The following CDH4 variants were observed in gnomAD, a reference collection of about 807,000 sequenced individuals.
CDH4 encodes the protein cadherin-4.
CDH4 carries 33 observed loss-of-function variants against 86.0 expected under a neutral mutation model. The ratio of observed to expected loss-of-function variants is 0.38; its 90% confidence interval spans 0.29 to 0.51. The LOEUF (loss-of-function observed/expected upper bound fraction) is 0.51. Among genes scored for constraint, CDH4 ranks in the 20% least tolerant of loss-of-function variants. The pLI is 0.86. For missense variants in CDH4, 1,114 were observed against 1,307.4 expected (o/e 0.85, Z 2.28); for synonymous variants, 555 against 549.4 (o/e 1.01, Z -0.14).
intron 2 of CDH4, among the ~76,000 whole-genome samples, chr20:61,584,324 C>T (rs934941637): frequency 2.0e-5 from 3 of 152,208 alleles, no homozygotes; most frequent in Non-Finnish European, 2.9e-5. Context: ...GCATCGTCGA[C>T]CCCTGCAGAT....
At chr20:61,896,842 T>C (rs1985149455) in intron 8 of CDH4, among the ~76,000 whole-genome samples, 1 of 152,174 alleles carries the variant, frequency 6.6e-6, no homozygotes, top group African/African-American at 2.4e-5. Flanking sequence ...GCAGCAGGGC[T>C]GCACCCACAC....
chr20:61,914,002 A>G (rs1449331587), intron 9 of CDH4, among the ~76,000 whole-genome samples: 1 of 152,110 alleles, frequency 6.6e-6, no homozygotes, highest in Non-Finnish European at 1.5e-5. Flanking sequence ...GGTTTCCCGA[A>G]GCATGTCTAC....
At chr20:61,779,284 C>G (rs571573491) in intron 4 of CDH4, among the ~76,000 whole-genome samples, 23 of 152,290 alleles carry the variant, frequency 1.5e-4, no homozygotes, top group Non-Finnish European at 2.9e-4. Context: ...GGTGCGAATC[C>G]TTTCATTTTG....
At chr20:61,556,843 C>T (rs902532533) in intron 2 of CDH4, among the ~76,000 whole-genome samples, 3 of 152,096 alleles carry the variant, frequency 2.0e-5, no homozygotes, top group Non-Finnish European at 4.4e-5. Flanking sequence ...GTGGTCGGCC[C>T]GTCCTCCGAC....
intron 2 of CDH4, among the ~76,000 whole-genome samples, chr20:61,399,025 G>A (rs1800176298): frequency 6.6e-6 from 1 of 152,010 alleles, no homozygotes; most frequent in Non-Finnish European, 1.5e-5. Context: ...TAAATGCTTT[G>A]TAAAGTGAAC....
At chr20:61,895,464 G>A (rs910271983) in intron 8 of CDH4, among the ~76,000 whole-genome samples, 5 of 152,198 alleles carry the variant, frequency 3.3e-5, no homozygotes, top group East Asian at 1.9e-4. Flanking sequence ...GCCTGCTGTC[G>A]GCAGAAAGGG....
intron 4 of CDH4, among the ~76,000 whole-genome samples, chr20:61,820,292 C>T (rs1980948076): frequency 6.6e-6 from 1 of 152,250 alleles, no homozygotes; most frequent in South Asian, 2.1e-4. Context: ...CTCTCACTGG[C>T]TGCTGCCTGG....
chr20:61,422,805 A>G (rs1412329369), intron 2 of CDH4, among the ~76,000 whole-genome samples: 1 of 152,050 alleles, frequency 6.6e-6, no homozygotes, highest in Non-Finnish European at 1.5e-5. Flanking sequence ...TGGGTGTGTC[A>G]TGTGTCTTGG....
intron 2 of CDH4, among the ~76,000 whole-genome samples, chr20:61,654,834 G>A (rs1175996427): frequency 6.6e-6 from 1 of 152,246 alleles, no homozygotes; most frequent in African/African-American, 2.4e-5. Flanking sequence ...TGGGGGCCAC[G>A]CTGCAGCCCG....
rs753268 is a variant in CDH4 at position 61,429,140 on chromosome 20, C to T, written c.169+174203C>T. On this transcript the variant is annotated intron_variant, in intron 2 of 15. Transcript: ENST00000614565. ...TAATGACAGCTTATATTTAAATGCT[C>T]ACTTTTCTCAGATACTGTTCTAAGT... is the stretch of plus-strand genomic sequence containing the variant. Among the ~76,000 whole-genome samples the T allele has an allele frequency of 5.1e-3, 773 of 151,836 alleles. 3 individuals are homozygous for T. The highest frequency in any genetic ancestry group is 6.9e-3 in the Non-Finnish European group (471 of 67,776).
rs201411800 is a variant in CDH4, at chr20:61,383,088, AAT to A, written c.169+128160_169+128161del. On this transcript the variant is annotated intron_variant, in intron 2 of 15. Coordinates refer to ENST00000614565, the MANE Select transcript of CDH4 (RefSeq NM_001794.5). ...TTCATATATATATAATATATATATG[AAT>A]ATATATATGAATATATTATATATAG... 5.5e-3 allele frequency among the ~76,000 whole-genome samples: 656 copies of A among 119,254 alleles called. 3 individuals are homozygous for A. The highest frequency in any genetic ancestry group is 6.3e-3 in the African/African-American group (180 of 28,734). The allele number at this position is 119,254 out of a possible 152,430, so 78.2% of individuals were successfully genotyped here. A position where few individuals can be genotyped will look rare whatever the true frequency, so the allele number is the denominator to read the frequency against.
chr20:61,496,401 CAAAAAAAAAAA>C (rs71944747), intron 2 of CDH4, among the ~76,000 whole-genome samples: 2 of 145,620 alleles, frequency 1.4e-5, no homozygotes, highest in Non-Finnish European at 3.0e-5. Context: ...TACCCTGTCT[CAAAAAAAAAAA>C]AAATCTAAAA....
intron 2 of CDH4, among the ~76,000 whole-genome samples, chr20:61,506,145 C>T (rs2085739932): frequency 6.6e-6 from 1 of 152,330 alleles, no homozygotes; most frequent in South Asian, 2.1e-4. Context: ...GTGAGACACA[C>T]TATGACAGAA....
chr20:61,567,406 C>T (rs1012276138), intron 2 of CDH4, among the ~76,000 whole-genome samples: 5 of 152,200 alleles, frequency 3.3e-5, no homozygotes, highest in African/African-American at 9.7e-5. Flanking sequence ...CCCGCTTCCT[C>T]ATTCATAGCT....
intron 2 of CDH4, among the ~76,000 whole-genome samples, chr20:61,438,371 A>C (rs1479011576): frequency 6.6e-6 from 1 of 152,226 alleles, no homozygotes; most frequent in Non-Finnish European, 1.5e-5. Context: ...TTTCTAAAGA[A>C]GCTGGGGAAA....
At chr20:61,883,182 C>T (rs371015797) in intron 7 of CDH4, among the ~76,000 whole-genome samples, 10 of 151,816 alleles carry the variant, frequency 6.6e-5, no homozygotes, top group African/African-American at 1.7e-4. Context: ...CTCCACAGCT[C>T]GACAGCCACA....
intron 2 of CDH4, among the ~76,000 whole-genome samples, chr20:61,357,261 C>G (rs1005202735): frequency 6.6e-6 from 1 of 152,206 alleles, no homozygotes; most frequent in African/African-American, 2.4e-5. Flanking sequence ...TTGTTTCAGC[C>G]TCGCCTTGGA....
chr20:61,331,842 C>G (rs1046528758), intron 2 of CDH4, among the ~76,000 whole-genome samples: 3 of 152,142 alleles, frequency 2.0e-5, no homozygotes, highest in Non-Finnish European at 4.4e-5. Flanking sequence ...TCCCCTGGAC[C>G]GCAAGCCCTT....
intron 2 of CDH4, among the ~76,000 whole-genome samples, chr20:61,700,803 G>A (rs1377646977): frequency 6.6e-6 from 1 of 152,254 alleles, no homozygotes; most frequent in Non-Finnish European, 1.5e-5. Context: ...GGGCAGAGCC[G>A]GGGTTGCCGG....
Sources: gnomAD v4.1 joint callset for allele counts (sites outside exome capture counted in the v4.1 genomes callset) on GRCh38, gnomAD v4.1.1 for gene constraint, MANE v1.5 for transcripts, NCBI Gene and HGNC (gene_info 2026-07-23, HGNC 2026-07-21) for gene names.